JADE2: variants seen among roughly 807,000 people sequenced by gnomAD.
The protein encoded by JADE2 is jade family PHD finger 2, also known as E3 ubiquitin-protein ligase Jade-2.
A neutral mutation model predicts 85.7 loss-of-function variants in JADE2; 13 were observed. That is an observed-to-expected ratio of 0.15 (90% CI 0.10 to 0.24). JADE2 has a LOEUF of 0.24. Ranked by LOEUF, JADE2 falls within the 10% of genes least tolerant of loss-of-function variation. JADE2 has a pLI of 1.00. For missense variants in JADE2, 846 were observed against 1,115.9 expected, an observed-to-expected ratio of 0.76 and a Z score of 3.45; for synonymous variants, 440 against 456.1, an observed-to-expected ratio of 0.96 and a Z score of 0.45.
Position 134,580,681 on chromosome 5 carries a change from G to C in JADE2, c.*1364G>C, listed in dbSNP as rs1349554066. 3 of 152,434 alleles carry C rather than the reference G, an allele frequency of 2.0e-5. No homozygotes were observed. The highest frequency in any genetic ancestry group is 6.6e-5 in the Admixed American group (1 of 15,264). 9.4% of individuals were successfully genotyped at this position (152,434 alleles called of 1,614,324 possible). On this transcript the variant is annotated 3_prime_UTR_variant, in exon 12 of 12. Coordinates refer to ENST00000681547, the MANE Select transcript of JADE2 (RefSeq NM_001388185.1). The stretch of plus-strand genomic sequence containing the variant: ...TCCAGTGAATCAGTCGAATCATTCT[G>C]TGGATGCCAAAGAATATTTTGACCA...
At chr5:134,537,926 G>A in intron 2 of JADE2, 63 bp from the exon 3 acceptor site, 1 of 1,205,084 alleles carries the variant, frequency 8.3e-7, no homozygotes, top group Non-Finnish European at 1.2e-6. Flanking sequence ...TCCTATTCTT[G>A]GGCATGAGTG....
intron 9 of JADE2, among the ~76,000 whole-genome samples, chr5:134,567,153 G>C (rs560426520): frequency 1.3e-5 from 2 of 152,354 alleles, no homozygotes; most frequent in African/African-American, 4.8e-5. Flanking sequence ...GAAGGAGACA[G>C]GGTGGACTCA....
intron 1 of JADE2, among the ~76,000 whole-genome samples, chr5:134,534,009 G>C (rs1053430924): frequency 6.6e-5 from 10 of 152,164 alleles, no homozygotes; most frequent in Non-Finnish European, 8.8e-5. Flanking sequence ...GCCTCCCAAA[G>C]TGCTGGGATT....
chr5:134,544,932 TG>T (rs1762201767), intron 3 of JADE2, among the ~76,000 whole-genome samples: 1 of 152,204 alleles, frequency 6.6e-6, no homozygotes, highest in Non-Finnish European at 1.5e-5. Flanking sequence ...CAGATTGTGT[TG>T]GGGCTCCAAA....
intron 1 of JADE2, among the ~76,000 whole-genome samples, chr5:134,528,286 G>C (rs1761006045): frequency 6.6e-6 from 1 of 152,104 alleles, no homozygotes; most frequent in Non-Finnish European, 1.5e-5. Flanking sequence ...CTGCCAACCG[G>C]GCCTGGCTTT....
rs1296855493 is a variant in JADE2 at position 134,578,788 on chromosome 5, C to G, written c.1976C>G (p.Pro659Arg). The G allele has an allele frequency of 1.1e-5, 18 of 1,613,796 alleles. No homozygotes were observed. Among genetic ancestry groups the G allele is most frequent in the Non-Finnish European group, 1.5e-5 (18 of 1,180,002 alleles). The change falls in exon 12 of 12, where the codon CCT (proline) becomes CGT (arginine). Residue 659 changes from proline to arginine, a missense_variant. Physicochemically the swap from Pro to Arg is moderately radical, Grantham distance 103. Around this residue, in one of 9 missense-constraint regions of JADE2, gnomAD observed 300 missense variants for 300.7 expected, o/e 1.00. Coordinates refer to ENST00000681547, the MANE Select transcript of JADE2 (RefSeq NM_001388185.1). The surrounding 1 kb of genome is among the most constrained non-coding windows in gnomAD (Gnocchi z 4.4). ...CCACCACCACCACCGCAGGACGGGCCTGGTTCACGGACGACTCCAGACAAA... is the reference window on the plus strand; with the variant it reads ...CCACCACCACCACCGCAGGACGGGCGTGGTTCACGGACGACTCCAGACAAA... ...KPPPPPPQDGPGSRTTPDKAP... is the reference protein window; with the variant it reads ...KPPPPPPQDGRGSRTTPDKAP...
upstream of JADE2, among the ~76,000 whole-genome samples, chr5:134,525,216 A>G (rs1226874931): frequency 7.2e-6 from 1 of 138,920 alleles, no homozygotes; most frequent in Non-Finnish European, 1.5e-5. Flanking sequence ...TGGGGCGCGT[A>G]GGGGGCGGGG....
At chr5:134,572,428 G>A (rs994140070) in intron 9 of JADE2, among the ~76,000 whole-genome samples, 1 of 152,244 alleles carries the variant, frequency 6.6e-6, no homozygotes, top group African/African-American at 2.4e-5. Flanking sequence ...GCAGAAGAGA[G>A]GTCTGATCTT....
chr5:134,549,973 G>A (rs1011303307), intron 3 of JADE2, among the ~76,000 whole-genome samples: 2 of 152,224 alleles, frequency 1.3e-5, no homozygotes, highest in Admixed American at 6.5e-5. Context: ...ACTGAGCTCA[G>A]GAGAGTCTCC....
Position 134,562,235 on chromosome 5 carries a change from C to T in JADE2, c.720C>T (p.Ser240=). The change falls in exon 7 of 12, where the codon AGC becomes AGT. Residue 240 remains serine (S), a synonymous_variant. Coordinates refer to ENST00000681547, the MANE Select transcript of JADE2 (RefSeq NM_001388185.1). This position sits in a 1 kb window ranked among gnomAD's most constrained non-coding sequence, Gnocchi z 4.6. ...CYGILKVPTG[S]WLCRTCALGV... is the part of the protein sequence containing the mutation. Reference sequence around the variant, plus strand: ...GGATCCTCAAGGTGCCCACGGGCAGCTGGCTGTGCCGGACGTGTGCCCTGG... The same window carrying T: ...GGATCCTCAAGGTGCCCACGGGCAGTTGGCTGTGCCGGACGTGTGCCCTGG... 6.2e-7 allele frequency: 1 copy of T among 1,613,722 alleles called. No individual in the cohort carries two copies. The highest frequency in any genetic ancestry group is 8.5e-7 in the Non-Finnish European group (1 of 1,179,814).
At chr5:134,577,503 C>G (rs371683522) in intron 11 of JADE2, among the ~76,000 whole-genome samples, 1 of 152,168 alleles carries the variant, frequency 6.6e-6, no homozygotes, top group Non-Finnish European at 1.5e-5. Context: ...GATGGAAGCC[C>G]CAGGTCATCC....
chr5:134,563,399 T>C (rs900467521), intron 7 of JADE2, among the ~76,000 whole-genome samples: 1 of 150,236 alleles, frequency 6.7e-6, no homozygotes, highest in African/African-American at 2.5e-5. Context: ...GCTAGGATGG[T>C]GGGGTGGGTG....
intron 8 of JADE2, among the ~76,000 whole-genome samples, chr5:134,565,853 C>T (rs943895442): frequency 4.0e-5 from 6 of 151,478 alleles, no homozygotes; most frequent in Middle Eastern, 3.4e-3. Context: ...AGCTTGTCCC[C>T]AGAGGTGTTT....
intron 3 of JADE2, among the ~76,000 whole-genome samples, chr5:134,545,538 T>C (rs756050257): frequency 2.2e-4 from 34 of 152,092 alleles, no homozygotes; most frequent in Non-Finnish European, 3.7e-4. Context: ...ATAAGTTTGC[T>C]CTTGGCTGGG....
At chr5:134,534,770 G>C (rs1479600946) in intron 1 of JADE2, among the ~76,000 whole-genome samples, 1 of 152,184 alleles carries the variant, frequency 6.6e-6, no homozygotes, top group Non-Finnish European at 1.5e-5. Flanking sequence ...AGGGGAGCGT[G>C]CTCTGAACCC....
At chr5:134,567,260 T>C (rs922264255) in intron 9 of JADE2, among the ~76,000 whole-genome samples, 54 of 152,206 alleles carry the variant, frequency 3.5e-4, no homozygotes, top group African/African-American at 1.3e-3. Flanking sequence ...GCAGAAGTGC[T>C]AAGGAGGGAC....
At chr5:134,550,463 C>T (rs1488536587) in intron 3 of JADE2, among the ~76,000 whole-genome samples, 3 of 152,192 alleles carry the variant, frequency 2.0e-5, no homozygotes, top group Admixed American at 1.3e-4. Flanking sequence ...ACTGACTTAG[C>T]ACCGGGCACA....
At chr5:134,541,610 G>C (rs1416276662) in intron 3 of JADE2, among the ~76,000 whole-genome samples, 1 of 152,216 alleles carries the variant, frequency 6.6e-6, no homozygotes, top group African/African-American at 2.4e-5. Flanking sequence ...GAACACTTAC[G>C]GAGTGATGTG....
chr5:134,551,994 T>TG (rs1762620244), intron 3 of JADE2, 58 bp from the exon 4 acceptor site: 1 of 1,556,192 alleles, frequency 6.4e-7, no homozygotes, highest in Admixed American at 1.7e-5. Flanking sequence ...CTCTGGCCTG[T>TG]GGGGCAGACT....
Sources: allele counts gnomAD v4.1 joint callset (sites outside exome capture counted in the v4.1 genomes callset), GRCh38; gene constraint gnomAD v4.1.1; regional missense constraint gnomAD v4.1.1; non-coding constraint Gnocchi (gnomAD v3.1); transcripts MANE v1.5; gene names NCBI Gene and HGNC (gene_info 2026-07-23, HGNC 2026-07-21).